Variants in GNG7 observed in about 807,000 individuals in gnomAD.
The protein encoded by GNG7 is G protein subunit gamma 7.
Under a neutral mutation model 4.0 loss-of-function variants are expected in GNG7, and 1 was observed. The observed-to-expected ratio is 0.25, with a 90% CI of 0.09 to 1.18. The LOEUF (loss-of-function observed/expected upper bound fraction) is 1.18, where lower values mean the gene tolerates loss of function less well. Among genes scored for constraint, GNG7 ranks in the 50% most tolerant of loss-of-function variants. GNG7 has a pLI of 0.50. For synonymous variants in GNG7, 34 were observed against 36.9 expected (o/e 0.92, Z 0.29); for missense variants, 86 against 91.9 (o/e 0.94, Z 0.26).
chr19:2,574,037 C>T (rs1047497852), intron 2 of GNG7, among the ~76,000 whole-genome samples: 1 of 152,142 alleles, frequency 6.6e-6, no homozygotes, highest in Non-Finnish European at 1.5e-5. Flanking sequence ...TATCCCGAGA[C>T]CAGAGATGCT....
At position 2,546,597 on chromosome 19, in the gene GNG7, C is replaced by T. The variant is rs1164719933; in HGVS notation, c.-38+8552G>A. 3.3e-5 allele frequency among the ~76,000 whole-genome samples: 5 copies of T among 152,166 alleles called. No individual in the cohort carries two copies. Among genetic ancestry groups the T allele is most frequent in the African/African-American group, 4.8e-5 (2 of 41,428 alleles). Reference sequence around the variant, plus strand: ...TAAAGAGAGGGAATGAATGAGGTGCCCACGAGAAAGTGAAAAATAGACCAG... The same window carrying T: ...TAAAGAGAGGGAATGAATGAGGTGCTCACGAGAAAGTGAAAAATAGACCAG... On this transcript the variant is annotated intron_variant, in intron 3 of 4. Transcript: ENST00000382159. This position sits in a 1 kb window ranked among gnomAD's most constrained non-coding sequence, Gnocchi z 6.3.
At chr19:2,657,990 G>T (rs981759776) in intron 1 of GNG7, among the ~76,000 whole-genome samples, 8 of 152,062 alleles carry the variant, frequency 5.3e-5, no homozygotes, top group Non-Finnish European at 1.0e-4. Flanking sequence ...ATTGGAGATG[G>T]CTCATACTCC....
intron 1 of GNG7, among the ~76,000 whole-genome samples, chr19:2,664,880 T>C (rs1353771784): frequency 6.6e-6 from 1 of 152,094 alleles, no homozygotes; most frequent in African/African-American, 2.4e-5. Context: ...ACGACCATCC[T>C]CAAGTTGTGA....
At position 2,629,393 on chromosome 19, in the gene GNG7, G is replaced by A. The variant is rs147167587; in HGVS notation, c.-78+16831C>T. Among the ~76,000 whole-genome samples the A allele has an allele frequency of 2.1e-3, 324 of 152,276 alleles. 1 individual carries two copies. Among genetic ancestry groups the A allele is most frequent in the African/African-American group, 7.4e-3 (309 of 41,548 alleles). ...GATGGTGACGGTGACAGCAGGCCAC[G>A]CTCTTGTGTTTAGAATAGGAGGTCC... On this transcript the variant is annotated intron_variant, in intron 2 of 4. Coordinates refer to ENST00000382159, the MANE Select transcript of GNG7 (RefSeq NM_052847.3).
chr19:2,563,376 C>T (rs549140719), intron 2 of GNG7, among the ~76,000 whole-genome samples: 1 of 152,232 alleles, frequency 6.6e-6, no homozygotes, highest in Non-Finnish European at 1.5e-5. Flanking sequence ...GGCCTCCACC[C>T]ACTCCATGCT....
chr19:2,642,922 C>G, intron 2 of GNG7: 1 of 453,082 alleles, frequency 2.2e-6, no homozygotes, highest in South Asian at 1.6e-5. Context: ...ACCGGAAATG[C>G]AGGAGACCTC....
chr19:2,519,971 G>A (rs962317647), intron 4 of GNG7, among the ~76,000 whole-genome samples: 1 of 152,224 alleles, frequency 6.6e-6, no homozygotes, highest in East Asian at 1.9e-4. Flanking sequence ...CCTGAAGTTA[G>A]GAGTTCAAGA....
At chr19:2,529,014 T>G (rs1396365369) in intron 3 of GNG7, among the ~76,000 whole-genome samples, 2 of 152,320 alleles carry the variant, frequency 1.3e-5, no homozygotes, top group East Asian at 3.9e-4. Flanking sequence ...CCCGTGGACT[T>G]GCACCCTGTC....
intron 2 of GNG7, among the ~76,000 whole-genome samples, chr19:2,567,522 C>G (rs557044639): frequency 2.0e-5 from 3 of 152,042 alleles, no homozygotes; most frequent in Non-Finnish European, 2.9e-5. Flanking sequence ...GATGGGGTTT[C>G]GCCATTTTGC....
At chr19:2,539,812 A>C (rs1267234391) in intron 3 of GNG7, among the ~76,000 whole-genome samples, 1 of 140,582 alleles carries the variant, frequency 7.1e-6, no homozygotes, top group African/African-American at 2.6e-5. Flanking sequence ...TTCTAAATAC[A>C]CACCATCGCA....
Position 2,528,749 on chromosome 19 carries a change from C to T in GNG7, c.-37-8024G>A, listed in dbSNP as rs535696217. On this transcript the variant is annotated intron_variant, in intron 3 of 4. Transcript: ENST00000382159. Reference sequence around the variant, plus strand: ...TGGCCTTGGGAAAGTTTCCTTCCCTCTCTGAGCCCCAGTGACCTCTGTTGG... The same window carrying T: ...TGGCCTTGGGAAAGTTTCCTTCCCTTTCTGAGCCCCAGTGACCTCTGTTGG... Among the ~76,000 whole-genome samples, 6 of 152,274 alleles carry T rather than the reference C, an allele frequency of 3.9e-5. No homozygotes were observed. In the South Asian group the frequency reaches 1.2e-3, roughly 32 times the overall value.
In GNG7 at chr19:2,648,971, C is replaced by T. The variant is rs369796721; in HGVS notation, c.-134-2691G>A. On this transcript the variant is annotated intron_variant, in intron 1 of 4. Transcript: ENST00000382159. ...TGGTGTAATCACAGCTCACTGCAGC[C>T]TCCACCTCCTGGGCTCAAGCGATCC... Among the ~76,000 whole-genome samples, 6 of 152,124 alleles carry T rather than the reference C, an allele frequency of 3.9e-5. No homozygotes were observed. In the East Asian group the frequency reaches 9.6e-4, roughly 24 times the overall value.
chr19:2,521,422 T>C (rs985002279), intron 3 of GNG7, among the ~76,000 whole-genome samples: 1 of 152,090 alleles, frequency 6.6e-6, no homozygotes, highest in Non-Finnish European at 1.5e-5. Context: ...TGGGGACATC[T>C]GTGGCTGTGG....
intron 1 of GNG7, among the ~76,000 whole-genome samples, chr19:2,666,852 G>C (rs752024057): frequency 6.6e-6 from 1 of 152,196 alleles, no homozygotes; most frequent in South Asian, 2.1e-4. Context: ...CATTGGTTGA[G>C]ACCCTCGCAA....
intron 3 of GNG7, chr19:2,538,595 C>A (rs1978829319): frequency 1.0e-5 from 4 of 399,214 alleles, no homozygotes; most frequent in Non-Finnish European, 2.0e-5. Flanking sequence ...TGCACCGCTG[C>A]ACTCCAGCCT....
intron 3 of GNG7, among the ~76,000 whole-genome samples, chr19:2,528,227 C>T (rs558114562): frequency 1.6e-4 from 23 of 144,002 alleles, no homozygotes; most frequent in South Asian, 8.9e-4. Context: ...GCCAAGATCG[C>T]GCCACTGCAC....
chr19:2,513,427 G>A lies in GNG7; in HGVS notation c.*1595C>T, dbSNP rs1337996470. ...CGTGGGGTCCATCTCAGGTGTGGCC[G>A]CAGGTGATGCCGGCAGGCCCTGGAA... On this transcript the variant is annotated 3_prime_UTR_variant, in exon 5 of 5. Transcript: ENST00000382159. 9 of 851,746 alleles carry A rather than the reference G, an allele frequency of 1.1e-5. No individual in the cohort carries two copies. The highest frequency in any genetic ancestry group is 3.7e-5 in the African/African-American group (2 of 54,532). 52.8% of individuals were successfully genotyped at this position (851,746 alleles called of 1,614,324 possible). A position where few individuals can be genotyped will look rare whatever the true frequency, so the allele number is the denominator to read the frequency against.
chr19:2,694,239 G>A (rs569768066), intron 1 of GNG7, among the ~76,000 whole-genome samples: 3 of 151,666 alleles, frequency 2.0e-5, no homozygotes, highest in African/African-American at 7.3e-5. Flanking sequence ...TTTTTTTTGG[G>A]GGGGGGCAGG....
At chr19:2,518,148 T>A (rs532503332) in intron 4 of GNG7, among the ~76,000 whole-genome samples, 4 of 152,098 alleles carry the variant, frequency 2.6e-5, no homozygotes, top group Non-Finnish European at 4.4e-5. Flanking sequence ...CCCAAGATCG[T>A]CGCCGTTGAG....
Sources: gnomAD v4.1 joint callset for allele counts (sites outside exome capture counted in the v4.1 genomes callset) on GRCh38, gnomAD v4.1.1 for gene constraint, Gnocchi (gnomAD v3.1) non-coding constraint, MANE v1.5 for transcripts, NCBI Gene and HGNC (gene_info 2026-07-23, HGNC 2026-07-21) for gene names.